Variants in TAMALIN observed in about 807,000 individuals in gnomAD.
The protein encoded by TAMALIN is protein TAMALIN.
TAMALIN carries 9 observed loss-of-function variants against 38.5 expected under a neutral mutation model. The observed-to-expected ratio is 0.23, with a 90% confidence interval of 0.14 to 0.41. The LOEUF (loss-of-function observed/expected upper bound fraction) is 0.41, where lower values mean the gene tolerates loss of function less well. TAMALIN is among the 10% of genes least tolerant of loss of function. The pLI is 1.00. For missense variants in TAMALIN, 548 were observed against 554.1 expected (o/e 0.99, Z 0.11); for synonymous variants, 306 against 256.5 (o/e 1.19, Z -1.85).
At position 52,014,162 on chromosome 12, in the gene TAMALIN, T is replaced by C. The variant is rs1937728769; in HGVS notation, c.643T>C (p.Tyr215His). 3.1e-6 allele frequency: 5 copies of C among 1,603,424 alleles called. No individual in the cohort carries two copies. The highest frequency in any genetic ancestry group is 4.3e-6 in the Non-Finnish European group (5 of 1,174,922). The change falls in exon 7 of 8, where the codon TAC becomes CAC. Residue 215 changes from tyrosine to histidine, a missense_variant. Coordinates refer to ENST00000293662, the MANE Select transcript of TAMALIN (RefSeq NM_181711.4). ...AACCCTGTATGAGAAGTGGGGAGAG[T>C]ACAGGTCCCTAATGGTGCAGGAGCA... ...KQTLYEKWGE[Y>H]RSLMVQEQRL...
At chr12:52,009,372 AGTGAGGGCAG>A in intron 2 of TAMALIN, 133 bp downstream of exon 2, 1 of 838,154 alleles carries the variant, frequency 1.2e-6, no homozygotes, top group East Asian at 2.6e-5. Context: ...CCCCGCTGGG[AGTGAGGGCAG>A]GTGGGGGTGA....
At position 52,014,170 on chromosome 12, in the gene TAMALIN, C is replaced by T; in HGVS notation, c.651C>T (p.Ser217=). The T allele has an allele frequency of 6.2e-7, 1 of 1,604,180 alleles. No individual in the cohort carries two copies. The highest frequency in any genetic ancestry group is 8.5e-7 in the Non-Finnish European group (1 of 1,175,204). ...TLYEKWGEYR[S]LMVQEQRLVH... ...ATGAGAAGTGGGGAGAGTACAGGTC[C>T]CTAATGGTGCAGGAGCAGCGGCTGG... The change falls in exon 7 of 8, where the codon TCC becomes TCT. Residue 217 remains serine (S), a synonymous_variant. Coordinates refer to ENST00000293662, the MANE Select transcript of TAMALIN (RefSeq NM_181711.4).
Position 52,011,319 on chromosome 12 carries a change from G to A in TAMALIN, c.454+178G>A. ...GATCTAGGCAAATTTGCCATGTACTGTGTGATCTTGCACAGCCCCATCTAC... is the reference window on the plus strand; with the variant it reads ...GATCTAGGCAAATTTGCCATGTACTATGTGATCTTGCACAGCCCCATCTAC... On this transcript the variant is annotated intron_variant, in intron 4 of 7. Coordinates refer to ENST00000293662, the MANE Select transcript of TAMALIN (RefSeq NM_181711.4). The surrounding 1 kb of genome is among the most constrained non-coding windows in gnomAD (Gnocchi z 5.3). 4 of 1,047,862 alleles carry A rather than the reference G, an allele frequency of 3.8e-6. No homozygotes were observed. The highest frequency in any genetic ancestry group is 5.6e-6 in the Non-Finnish European group (4 of 710,890). 64.9% of individuals were successfully genotyped at this position (1,047,862 alleles called of 1,614,324 possible).
At position 52,007,851 on chromosome 12, in the gene TAMALIN, G is replaced by A. The variant is rs543398645; in HGVS notation, c.246+586G>A. On this transcript the variant is annotated intron_variant, in intron 1 of 7. Transcript: ENST00000293662. The surrounding 1 kb of genome is among the most constrained non-coding windows in gnomAD (Gnocchi z 6.7). Reference sequence around the variant, plus strand: ...GGCCACTGCTCCCTGGACTTCTGTCGGAACCGGACGCAGTGGGAGGGGTCG... The same window carrying A: ...GGCCACTGCTCCCTGGACTTCTGTCAGAACCGGACGCAGTGGGAGGGGTCG... 434 of 985,430 alleles carry A rather than the reference G, an allele frequency of 4.4e-4. 2 individuals are homozygous for A. In the African/African-American group the frequency reaches 7.4e-3, roughly 17 times the overall value. The allele number at this position is 985,430 out of a possible 1,614,324, so 61.0% of individuals were successfully genotyped here. A position where few individuals can be genotyped will look rare whatever the true frequency, so the allele number is the denominator to read the frequency against.
chr12:52,007,317 A>G lies in TAMALIN; in HGVS notation c.246+52A>G, dbSNP rs908065007. 4 of 1,365,934 alleles carry G rather than the reference A, an allele frequency of 2.9e-6. No individual in the cohort carries two copies. The highest frequency in any genetic ancestry group is 2.8e-5 in the East Asian group (1 of 35,522). 84.6% of individuals were successfully genotyped at this position (1,365,934 alleles called of 1,614,324 possible). On this transcript the variant is annotated intron_variant, in intron 1 of 7. Transcript: ENST00000293662. This position sits in a 1 kb window ranked among gnomAD's most constrained non-coding sequence, Gnocchi z 6.7. Reference sequence around the variant, plus strand: ...CTGCTCAGCCCCTCTCCGACTCCCTACAGGGCCTGCTGACTCCGCAGTGCC... The same window carrying G: ...CTGCTCAGCCCCTCTCCGACTCCCTGCAGGGCCTGCTGACTCCGCAGTGCC...
At chr12:52,008,432 G>T in intron 1 of TAMALIN, 1 of 662,512 alleles carries the variant, frequency 1.5e-6, no homozygotes, top group South Asian at 7.1e-5. Context: ...CACCCCTAAA[G>T]AACTCCCAGT....
rs1356815086 is a variant in TAMALIN, at chr12:52,013,935, T to G, written c.607T>G (p.Tyr203Asp). The G allele has an allele frequency of 6.2e-7, 1 of 1,614,064 alleles. No homozygotes were observed. Among genetic ancestry groups the G allele is most frequent in the South Asian group, 1.1e-5 (1 of 91,086 alleles). The change falls in exon 6 of 8, where the codon TAC becomes GAC. Residue 203 changes from tyrosine to aspartate, a missense_variant. Coordinates refer to ENST00000293662, the MANE Select transcript of TAMALIN (RefSeq NM_181711.4). ...GGCAGAACTGGAGGCTCGTCTGCAGTACCTGAAGGTAGGGGAACCTAGATA... is the reference window on the plus strand; with the variant it reads ...GGCAGAACTGGAGGCTCGTCTGCAGGACCTGAAGGTAGGGGAACCTAGATA... ...RKAELEARLQ[Y>D]LKQTLYEKWG...
In TAMALIN at chr12:52,007,526, C is replaced by A. The variant is rs1480894389; in HGVS notation, c.246+261C>A. On this transcript the variant is annotated intron_variant, in intron 1 of 7. Transcript: ENST00000293662. This position sits in a 1 kb window ranked among gnomAD's most constrained non-coding sequence, Gnocchi z 6.7. The stretch of plus-strand genomic sequence containing the variant: ...CTCCCTCCTTGACTCCTCCCAGCAC[C>A]CCCCTTCTCCTACCCGCTCCATCTG... The A allele has an allele frequency of 9.7e-5, 95 of 983,984 alleles. No homozygotes were observed. Among genetic ancestry groups the A allele is most frequent in the Non-Finnish European group, 1.1e-4 (94 of 828,844 alleles). 61.0% of individuals were successfully genotyped at this position (983,984 alleles called of 1,614,324 possible).
chr12:52,007,280 C>T lies in TAMALIN; in HGVS notation c.246+15C>T. 3 of 1,399,518 alleles carry T rather than the reference C, an allele frequency of 2.1e-6. No homozygotes were observed. The highest frequency in any genetic ancestry group is 1.9e-6 in the Non-Finnish European group (2 of 1,080,110). 86.7% of individuals were successfully genotyped at this position (1,399,518 alleles called of 1,614,324 possible). A position where few individuals can be genotyped will look rare whatever the true frequency, so the allele number is the denominator to read the frequency against. On this transcript the variant is annotated intron_variant, in intron 1 of 7. Transcript: ENST00000293662. The surrounding 1 kb of genome is among the most constrained non-coding windows in gnomAD (Gnocchi z 6.7). ...CCCGCCGAAAGGTGCGTCCCCCGCC[C>T]GCCTTCAGGATCTGCTCAGCCCCTC...
chr12:52,015,438 T>G lies in TAMALIN; in HGVS notation c.*239T>G. On this transcript the variant is annotated 3_prime_UTR_variant, in exon 8 of 8. Transcript: ENST00000293662. ...CTGGGGCAGGGGGAGAGCCAGGCAA[T>G]CGGGGGCCAAAGATGGGGGTGCTCG... The G allele has an allele frequency of 6.3e-6, 3 of 479,884 alleles. No individual in the cohort carries two copies. Among genetic ancestry groups the G allele is most frequent in the Admixed American group, 3.9e-5 (1 of 25,952 alleles). The allele number at this position is 479,884 out of a possible 1,614,324, so 29.7% of individuals were successfully genotyped here.
Position 52,015,668 on chromosome 12 carries a change from G to T in TAMALIN, c.*469G>T, listed in dbSNP as rs1378529867. ...CCCAGCGGGCCCCCAGGGGCATCAGGTGCTGGTCCTCCTCCCTCCTGGCCT... is the reference window on the plus strand; with the variant it reads ...CCCAGCGGGCCCCCAGGGGCATCAGTTGCTGGTCCTCCTCCCTCCTGGCCT... On this transcript the variant is annotated 3_prime_UTR_variant, in exon 8 of 8. Transcript: ENST00000293662. 1 of 156,268 alleles carries T rather than the reference G, an allele frequency of 6.4e-6. No individual in the cohort carries two copies. Among genetic ancestry groups the T allele is most frequent in the African/African-American group, 2.4e-5 (1 of 41,480 alleles). 9.7% of individuals were successfully genotyped at this position (156,268 alleles called of 1,614,324 possible). A position where few individuals can be genotyped will look rare whatever the true frequency, so the allele number is the denominator to read the frequency against.
At chr12:52,008,056 G>A (rs1311698142) in intron 1 of TAMALIN, 1 of 985,312 alleles carries the variant, frequency 1.0e-6, no homozygotes, top group Non-Finnish European at 1.2e-6. Flanking sequence ...CCCCCAGCTA[G>A]CCCCCACACA....
At chr12:52,014,062 T>C (rs1937726847) in intron 6 of TAMALIN, 73 bp from the exon 7 acceptor site, 3 of 1,557,804 alleles carry the variant, frequency 1.9e-6, no homozygotes, top group South Asian at 2.2e-5. Flanking sequence ...TACTCCCTGA[T>C]CCCTCGTCTG....
intron 6 of TAMALIN, 51 bp downstream of exon 6, chr12:52,013,994 C>G: frequency 6.3e-7 from 1 of 1,595,724 alleles, no homozygotes; most frequent in Non-Finnish European, 8.6e-7. Context: ...TCCCAAGCCT[C>G]TGCCCTGTGG....
rs1255062839 is a variant in TAMALIN, at chr12:52,015,027, C to T, written c.1016C>T (p.Pro339Leu). 43 of 1,292,494 alleles carry T rather than the reference C, an allele frequency of 3.3e-5. No individual in the cohort carries two copies. The South Asian group carries it at 6.5e-4, about 20-fold the overall frequency. The allele number at this position is 1,292,494 out of a possible 1,614,324, so 80.1% of individuals were successfully genotyped here. A position where few individuals can be genotyped will look rare whatever the true frequency, so the allele number is the denominator to read the frequency against. ...AGCGCCAGTGTGCGGTGCGCGGGCC[C>T]TGGCGGGGGCGGAGGCGGGGGCGCG... The part of the protein sequence containing the change: ...SRSASVRCAG[P>L]GGGGGGGAPG... Residue 339 changes from proline (P) to leucine (L), a missense_variant, in exon 8 of 8, where the codon CCT (proline) becomes CTT (leucine). Pro to Leu is a moderately conservative substitution (Grantham distance 98). Transcript: ENST00000293662.
intron 1 of TAMALIN, chr12:52,008,360 A>G (rs1057506275): frequency 5.1e-6 from 5 of 985,268 alleles, no homozygotes; most frequent in Non-Finnish European, 6.0e-6. Context: ...ACTTTAGTTT[A>G]TCAAGGACCC....
chr12:52,008,399 C>T (rs1043278322), intron 1 of TAMALIN: 1 of 985,346 alleles, frequency 1.0e-6, no homozygotes, highest in Non-Finnish European at 1.2e-6. Flanking sequence ...CATCTCTCAT[C>T]CTTCCTCCAC....
intron 1 of TAMALIN, among the ~76,000 whole-genome samples, chr12:52,008,916 AC>A (rs1325205957): frequency 6.6e-6 from 1 of 152,206 alleles, no homozygotes; most frequent in Non-Finnish European, 1.5e-5. Flanking sequence ...CAGTGTGGAA[AC>A]CAGCAAGGGC....
intron 2 of TAMALIN, among the ~76,000 whole-genome samples, chr12:52,010,066 A>C (rs1220393560): frequency 6.6e-6 from 1 of 152,156 alleles, no homozygotes; most frequent in Non-Finnish European, 1.5e-5. Flanking sequence ...TCCCTGCCCC[A>C]ATAGTACAGA....
Sources: gnomAD v4.1 joint callset for allele counts (sites outside exome capture counted in the v4.1 genomes callset) on GRCh38, gnomAD v4.1.1 for gene constraint, Gnocchi (gnomAD v3.1) non-coding constraint, MANE v1.5 for transcripts, NCBI Gene and HGNC (gene_info 2026-07-23, HGNC 2026-07-21) for gene names.